MDGA2: variants seen among roughly 807,000 people sequenced by gnomAD.
MDGA2 encodes MAM domain-containing glycosylphosphatidylinositol anchor protein 2.
Under a neutral mutation model 117.8 loss-of-function variants are expected in MDGA2, and 40 were observed. That is an observed-to-expected ratio of 0.34 (90% CI 0.26 to 0.44). MDGA2 has a LOEUF of 0.44. MDGA2 is among the 20% of genes least tolerant of loss of function. MDGA2 has a pLI of 1.00. For synonymous variants in MDGA2, 452 were observed against 439.0 expected (o/e 1.03, Z -0.37); for missense variants, 1,123 against 1,250.6 (o/e 0.90, Z 1.54).
intron 6 of MDGA2, among the ~76,000 whole-genome samples, chr14:47,068,594 G>A (rs1017313383): frequency 6.6e-6 from 1 of 151,750 alleles, no homozygotes; most frequent in African/African-American, 2.4e-5. Context: ...AAATTAGTGG[G>A]TATTTTGAGC....
intron 1 of MDGA2, among the ~76,000 whole-genome samples, chr14:47,391,616 A>T (rs1407270178): frequency 6.6e-6 from 1 of 152,186 alleles, no homozygotes; most frequent in Non-Finnish European, 1.5e-5. Flanking sequence ...ACACTAATCA[A>T]GGCAACTCAT....
intron 1 of MDGA2, among the ~76,000 whole-genome samples, chr14:47,376,388 A>T (rs1891478785): frequency 6.6e-6 from 1 of 152,196 alleles, no homozygotes; most frequent in African/African-American, 2.4e-5. Flanking sequence ...TATATCTAAC[A>T]AAAAGAAAAA....
intron 5 of MDGA2, among the ~76,000 whole-genome samples, chr14:47,121,762 A>C (rs1480956450): frequency 6.6e-6 from 1 of 152,124 alleles, no homozygotes; most frequent in African/African-American, 2.4e-5. Flanking sequence ...GGAGAAGAAC[A>C]GTGGCTAGGT....
At chr14:47,667,723 G>T (rs1449221939) in intron 1 of MDGA2, among the ~76,000 whole-genome samples, 1 of 152,210 alleles carries the variant, frequency 6.6e-6, no homozygotes, top group Non-Finnish European at 1.5e-5. Flanking sequence ...ACGCCTAGCT[G>T]TGAACAAACC....
chr14:46,999,289 A>T (rs894621253), intron 8 of MDGA2, among the ~76,000 whole-genome samples: 4 of 138,188 alleles, frequency 2.9e-5, no homozygotes, highest in African/African-American at 1.4e-4. Context: ...AATAAATTTA[A>T]AAAAAAATCT....
intron 10 of MDGA2, among the ~76,000 whole-genome samples, chr14:46,892,280 T>A (rs1370396989): frequency 6.6e-6 from 1 of 150,620 alleles, no homozygotes; most frequent in Non-Finnish European, 1.5e-5. Context: ...GCCTCTTCAG[T>A]AAATAGTGTG....
At chr14:46,912,843 A>C (rs1339295224) in intron 10 of MDGA2, among the ~76,000 whole-genome samples, 1 of 152,180 alleles carries the variant, frequency 6.6e-6, no homozygotes, top group Non-Finnish European at 1.5e-5. Flanking sequence ...ATCCCTTCTC[A>C]TAAACACATT....
In MDGA2 at chr14:46,855,515, T is replaced by G. The variant is rs527504774; in HGVS notation, c.2753-361A>C. ...ATACAGGAAAGAAGGCCATGAGAGA[T>G]AGAGATGTTACATGGCTGGTTTCCA... On this transcript the variant is annotated intron_variant, in intron 14 of 16. Transcript: ENST00000399232. The surrounding 1 kb of genome is among the most constrained non-coding windows in gnomAD (Gnocchi z 4.1). Among the ~76,000 whole-genome samples the G allele has an allele frequency of 5.3e-5, 8 of 152,108 alleles. No homozygotes were observed. In the South Asian group the frequency reaches 1.7e-3, roughly 32 times the overall value.
intron 3 of MDGA2, among the ~76,000 whole-genome samples, chr14:47,207,298 A>C: frequency 6.6e-6 from 1 of 152,022 alleles, no homozygotes; most frequent in East Asian, 1.9e-4. Flanking sequence ...AATAGGAGAA[A>C]AAATAAGCAG....
intron 10 of MDGA2, among the ~76,000 whole-genome samples, chr14:46,912,520 C>T (rs899202529): frequency 2.0e-5 from 3 of 152,132 alleles, no homozygotes; most frequent in Non-Finnish European, 4.4e-5. Context: ...ATCACTCCAG[C>T]CTAACAAGTC....
At chr14:47,543,606 C>A (rs963307275) in intron 1 of MDGA2, among the ~76,000 whole-genome samples, 2 of 152,148 alleles carry the variant, frequency 1.3e-5, no homozygotes, top group Non-Finnish European at 2.9e-5. Context: ...AAGTTAATGA[C>A]CCTTGTTCTT....
intron 6 of MDGA2, among the ~76,000 whole-genome samples, chr14:47,063,707 G>T (rs1283646868): frequency 6.6e-6 from 1 of 151,940 alleles, no homozygotes; most frequent in Non-Finnish European, 1.5e-5. Context: ...TTTTTAAAGA[G>T]AAATTTTAAG....
intron 5 of MDGA2, among the ~76,000 whole-genome samples, chr14:47,125,578 A>T (rs573206191): frequency 6.6e-6 from 1 of 152,048 alleles, no homozygotes; most frequent in Non-Finnish European, 1.5e-5. Context: ...AAGAAAAAAA[A>T]AGAGTAGAAG....
chr14:47,361,620 A>T (rs1048598667), intron 1 of MDGA2, among the ~76,000 whole-genome samples: 1 of 152,064 alleles, frequency 6.6e-6, no homozygotes, highest in Non-Finnish European at 1.5e-5. Context: ...TTAAAGCATG[A>T]TTATTATCCA....
chr14:47,232,482 G>C (rs970073975), intron 2 of MDGA2, among the ~76,000 whole-genome samples: 2 of 152,058 alleles, frequency 1.3e-5, no homozygotes, highest in Admixed American at 1.3e-4. Context: ...ATCCACTTGT[G>C]TTTAAACAAG....
intron 10 of MDGA2, among the ~76,000 whole-genome samples, chr14:46,903,979 T>C (rs913645503): frequency 4.6e-5 from 7 of 152,340 alleles, no homozygotes; most frequent in African/African-American, 1.7e-4. Context: ...AGATGATTTT[T>C]AATTGTCAAT....
chr14:47,222,541 T>C (rs1368829335), intron 2 of MDGA2, among the ~76,000 whole-genome samples: 1 of 152,100 alleles, frequency 6.6e-6, no homozygotes. Flanking sequence ...TTCTTGATAG[T>C]GCAACTTTTT....
At chr14:46,930,062 T>C (rs963175697) in intron 9 of MDGA2, among the ~76,000 whole-genome samples, 7 of 152,150 alleles carry the variant, frequency 4.6e-5, no homozygotes, top group African/African-American at 1.7e-4. Flanking sequence ...ATTGTAAGTA[T>C]TAATTTACAA....
chr14:47,063,950 T>C (rs1889985941), intron 6 of MDGA2, among the ~76,000 whole-genome samples: 1 of 151,968 alleles, frequency 6.6e-6, no homozygotes, highest in South Asian at 2.1e-4. Flanking sequence ...AAAGTGATAT[T>C]GAGAGAACTG....
Sources: allele counts gnomAD v4.1 joint callset (sites outside exome capture counted in the v4.1 genomes callset), GRCh38; gene constraint gnomAD v4.1.1; non-coding constraint Gnocchi (gnomAD v3.1); transcripts MANE v1.5; gene names NCBI Gene and HGNC (gene_info 2026-07-23, HGNC 2026-07-21).